CACNA1A: variants seen among roughly 807,000 people sequenced by gnomAD.
The protein encoded by CACNA1A is voltage-dependent P/Q-type calcium channel subunit alpha-1A.
A neutral mutation model predicts 262.4 loss-of-function variants in CACNA1A; 57 were observed. That is an observed-to-expected ratio of 0.22 (90% CI 0.18 to 0.27). CACNA1A has a LOEUF of 0.27. CACNA1A is among the 10% of genes least tolerant of loss of function. The probability of loss-of-function intolerance (pLI) is 1.00; values close to 1 mark genes in which losing one functional copy is unlikely to be tolerated. For missense variants in CACNA1A, 2,526 were observed against 3,562.8 expected (o/e 0.71, Z 7.41); for synonymous variants, 1,431 against 1,419.3 (o/e 1.01, Z -0.18).
chr19:13,265,523 C>T (rs553406651), intron 24 of CACNA1A, among the ~76,000 whole-genome samples: 1 of 152,176 alleles, frequency 6.6e-6, no homozygotes, highest in South Asian at 2.1e-4. Flanking sequence ...TTAAAACTAA[C>T]ATCATCATTA....
intron 46 of CACNA1A, 40 bp downstream of exon 46, chr19:13,208,716 C>A (rs755189159): frequency 6.5e-7 from 1 of 1,532,568 alleles, no homozygotes; most frequent in Non-Finnish European, 8.7e-7. Context: ...CCCCGCCTCC[C>A]GGCCGAGCCC....
At chr19:13,449,216 C>T (rs753996092) in intron 3 of CACNA1A, among the ~76,000 whole-genome samples, 1 of 151,832 alleles carries the variant, frequency 6.6e-6, no homozygotes, top group Non-Finnish European at 1.5e-5. Context: ...AGTCTTCCTG[C>T]CCTGGCCTCT....
chr19:13,386,878 A>T (rs1371372606), intron 3 of CACNA1A, among the ~76,000 whole-genome samples: 1 of 152,138 alleles, frequency 6.6e-6, no homozygotes, highest in Non-Finnish European at 1.5e-5. Context: ...ACGATGTTAG[A>T]GTGGAAAGAT....
chr19:13,351,922 G>A (rs1193850806), intron 6 of CACNA1A, among the ~76,000 whole-genome samples: 1 of 152,208 alleles, frequency 6.6e-6, no homozygotes, highest in Non-Finnish European at 1.5e-5. Flanking sequence ...TGGGATTACA[G>A]ATGTGAGCCA....
At chr19:13,489,008 T>C (rs1346099932) in intron 1 of CACNA1A, among the ~76,000 whole-genome samples, 35 of 106,770 alleles carry the variant, frequency 3.3e-4, no homozygotes, top group Middle Eastern at 4.0e-3. Flanking sequence ...CTTTTCTTTT[T>C]TTTTTTTTTT....
intron 10 of CACNA1A, among the ~76,000 whole-genome samples, chr19:13,325,664 G>C (rs1441467622): frequency 6.6e-6 from 1 of 152,058 alleles, no homozygotes; most frequent in Non-Finnish European, 1.5e-5. Flanking sequence ...CAAACTCCTG[G>C]CCTCAAGCCT....
Position 13,292,839 on chromosome 19 carries a change from A to C in CACNA1A, c.3089+5705T>G, listed in dbSNP as rs537197041. Reference sequence around the variant, plus strand: ...TAAAGCAGATGAATGACTGATCTTGAATTTTTTTCTCTTAAAGTGCATGAA... The same window carrying C: ...TAAAGCAGATGAATGACTGATCTTGCATTTTTTTCTCTTAAAGTGCATGAA... On this transcript the variant is annotated intron_variant, in intron 19 of 46. Transcript: ENST00000360228. Among the ~76,000 whole-genome samples the C allele has an allele frequency of 8.6e-5, 13 of 151,560 alleles. No homozygotes were observed. In the South Asian group the frequency reaches 2.5e-3, roughly 30 times the overall value.
At chr19:13,442,241 T>C (rs1203035445) in intron 3 of CACNA1A, among the ~76,000 whole-genome samples, 2 of 152,184 alleles carry the variant, frequency 1.3e-5, no homozygotes, top group Non-Finnish European at 2.9e-5. Flanking sequence ...CACTAGTGAA[T>C]GGGTTTTATG....
chr19:13,464,785 T>C (rs973811582), intron 1 of CACNA1A, among the ~76,000 whole-genome samples: 3 of 151,982 alleles, frequency 2.0e-5, no homozygotes, highest in Non-Finnish European at 4.4e-5. Flanking sequence ...CCTGACCTTG[T>C]GATCTGCCCA....
rs1158123738 is a variant in CACNA1A at position 13,209,367 on chromosome 19, G to T, written c.6471C>A (p.Asp2157Glu). 5.0e-6 allele frequency: 7 copies of T among 1,393,542 alleles called. No homozygotes were observed. Among genetic ancestry groups the T allele is most frequent in the Non-Finnish European group, 6.5e-6 (7 of 1,069,672 alleles). 86.3% of individuals were successfully genotyped at this position (1,393,542 alleles called of 1,614,324 possible). The change falls in exon 45 of 47, where the codon GAC (aspartate) becomes GAA (glutamate). Residue 2157 changes from aspartate (D) to glutamate (E), a missense_variant. By Grantham distance (45) the Asp-to-Glu change is conservative. Around this residue, in one of 17 missense-constraint regions of CACNA1A, gnomAD observed 929 missense variants for 868.1 expected, o/e 1.07. Transcript: ENST00000360228. ...AGCGCTCAGAGGCGCGGTGGCTGCG[G>T]TCGCGGCGCCGCTGGTGGTGCCGCT... ...ENQRHHQRRR[D>E]RSHRASERSL...
In CACNA1A at chr19:13,303,848, C is replaced by T. The variant is rs906669300; in HGVS notation, c.2023G>A (p.Asp675Asn). 1.2e-6 allele frequency: 2 copies of T among 1,613,758 alleles called. No homozygotes were observed. The highest frequency in any genetic ancestry group is 1.7e-6 in the Non-Finnish European group (2 of 1,179,774). ...TGEDWNEVMY[D>N]GIKSQGGVQG... is the part of the protein sequence containing the mutation. ...ACGCCCCCCTGAGACTTGATCCCGT[C>T]GTACATGACCTCGTTCCAGTCTTCG... Residue 675 changes from aspartate (D) to asparagine (N), a missense_variant, in exon 16 of 47, where the codon GAC becomes AAC. Asp to Asn is a conservative substitution (Grantham distance 23). Coordinates refer to ENST00000360228, the MANE Select transcript of CACNA1A (RefSeq NM_001127222.2).
intron 7 of CACNA1A, among the ~76,000 whole-genome samples, 191 bp downstream of exon 7, chr19:13,335,615 A>C (rs2058550832): frequency 6.6e-6 from 1 of 152,186 alleles, no homozygotes; most frequent in Admixed American, 6.5e-5. Flanking sequence ...GAACCCTCTC[A>C]CTGGGTACCC....
At chr19:13,497,428 C>T (rs1320452458) in intron 1 of CACNA1A, among the ~76,000 whole-genome samples, 3 of 124,870 alleles carry the variant, frequency 2.4e-5, no homozygotes, top group South Asian at 6.0e-4. Context: ...GCGGAGGTTG[C>T]AGTGAGCCGA....
intron 7 of CACNA1A, 98 bp from the exon 8 acceptor site, chr19:13,334,591 G>C: frequency 1.6e-6 from 1 of 616,688 alleles, no homozygotes; most frequent in Admixed American, 2.5e-5. Context: ...GTGTGTGTGT[G>C]TTTGTGTGTG....
chr19:13,417,013 G>T (rs564636058), intron 3 of CACNA1A, among the ~76,000 whole-genome samples: 1 of 152,104 alleles, frequency 6.6e-6, no homozygotes, highest in African/African-American at 2.4e-5. Context: ...ATTGGTGACC[G>T]AATTGCACGG....
In CACNA1A at chr19:13,257,366, C is replaced by T. The variant is rs2056600119; in HGVS notation, c.4574G>A (p.Ser1525Asn). Residue 1525 changes from serine to asparagine, a missense_variant, in exon 28 of 47, where the codon AGC becomes AAC. Transcript: ENST00000360228. Reference protein sequence around the residue: ...EQGDKMMEEYSLEKNERACID... With the variant: ...EQGDKMMEEYNLEKNERACID... ...AAGTGGCACCTCATTTTTCTCCAGG[C>T]TGTATTCCTCCATCATCTTGTCCCC... 7 of 1,613,844 alleles carry T rather than the reference C, an allele frequency of 4.3e-6. No individual in the cohort carries two copies. Among genetic ancestry groups the T allele is most frequent in the African/African-American group, 1.3e-5 (1 of 75,036 alleles).
chr19:13,336,594 G>GGAGAGGGAGAGAGAGAGAGA (rs1555768096), intron 6 of CACNA1A, among the ~76,000 whole-genome samples: 10 of 65,506 alleles, frequency 1.5e-4, no homozygotes, highest in African/African-American at 5.1e-4. Flanking sequence ...AGAGAGAGAG[G>GGAGAGGGAGAGAGAGAGAGA]GAGAGAGAGA....
Position 13,506,273 on chromosome 19 carries a change from A to T in CACNA1A, c.-49T>A. On this transcript the variant is annotated 5_prime_UTR_variant, in exon 1 of 47. Transcript: ENST00000360228. ...GGTTACGCTGCGGCGAACGATGCGG[A>T]AGACGCCGCCGCCGCCGCCGCCGCC... 1 of 1,388,804 alleles carries T rather than the reference A, an allele frequency of 7.2e-7. No individual in the cohort carries two copies. Among genetic ancestry groups the T allele is most frequent in the African/African-American group, 1.5e-5 (1 of 65,098 alleles). The allele number at this position is 1,388,804 out of a possible 1,614,324, so 86.0% of individuals were successfully genotyped here. A position where few individuals can be genotyped will look rare whatever the true frequency, so the allele number is the denominator to read the frequency against.
rs1004209139 is a variant in CACNA1A at position 13,261,424 on chromosome 19, G to T, written c.4250+26C>A. ...CCTGCCCACCTGCTGGTTCCAATGG[G>T]AATGTGCTGGAAAGTGGAGACCCAC... On this transcript the variant is annotated intron_variant, in intron 26 of 46. Transcript: ENST00000360228. The T allele has an allele frequency of 3.9e-6, 6 of 1,546,292 alleles. No individual in the cohort carries two copies. In the Admixed American group the frequency reaches 5.9e-5, roughly 15 times the overall value.
Sources: allele counts gnomAD v4.1 joint callset (sites outside exome capture counted in the v4.1 genomes callset), GRCh38; gene constraint gnomAD v4.1.1; regional missense constraint gnomAD v4.1.1; transcripts MANE v1.5; gene names NCBI Gene and HGNC (gene_info 2026-07-23, HGNC 2026-07-21).